The following MAP2K4 variants were observed in gnomAD, a reference collection of about 807,000 sequenced individuals.
MAP2K4 encodes dual specificity mitogen-activated protein kinase kinase 4.
A neutral mutation model predicts 48.5 loss-of-function variants in MAP2K4; 4 were observed. The observed-to-expected ratio is 0.08, with a 90% CI of 0.04 to 0.19. The LOEUF is 0.19. Ranked by LOEUF, MAP2K4 falls within the 10% of genes least tolerant of loss-of-function variation. The pLI, the probability that MAP2K4 is intolerant of heterozygous loss-of-function variation, is 1.00. For missense variants in MAP2K4, 258 were observed against 493.3 expected, an observed-to-expected ratio of 0.52 and a Z score of 4.52; for synonymous variants, 166 against 173.1, an observed-to-expected ratio of 0.96 and a Z score of 0.32.
At chr17:12,067,445 T>C (rs1970652520) in intron 2 of MAP2K4, among the ~76,000 whole-genome samples, 1 of 152,156 alleles carries the variant, frequency 6.6e-6, no homozygotes, top group Admixed American at 6.5e-5. Context: ...GTAGAATGTT[T>C]AGTGACAGCC....
intron 1 of MAP2K4, among the ~76,000 whole-genome samples, chr17:12,048,769 G>GC (rs1970043206): frequency 6.6e-6 from 1 of 151,994 alleles, no homozygotes; most frequent in East Asian, 1.9e-4. Flanking sequence ...CGATTCCATT[G>GC]CCTCAGCCTC....
rs28921680 is a variant in MAP2K4 at position 12,064,091 on chromosome 17, A to G, written c.218+9100A>G. Among the ~76,000 whole-genome samples the G allele has an allele frequency of 6.8e-3, 1,035 of 151,836 alleles. 16 individuals are homozygous for G. The highest frequency in any genetic ancestry group is 0.024 in the African/African-American group (1,001 of 41,410). On this transcript the variant is annotated intron_variant, in intron 2 of 10. Coordinates refer to ENST00000353533, the MANE Select transcript of MAP2K4 (RefSeq NM_003010.4). Reference sequence around the variant, plus strand: ...ACAATGTATATATATATATCTGACAAAGGACTTTTGTATATATAATAAACC... The same window carrying G: ...ACAATGTATATATATATATCTGACAGAGGACTTTTGTATATATAATAAACC...
In MAP2K4 at chr17:12,139,977, C is replaced by T. The variant is rs3213685; in HGVS notation, c.1086+93C>T. The T allele has an allele frequency of 5.6e-3, 3,816 of 677,482 alleles. 19 individuals carry two copies. The highest frequency in any genetic ancestry group is 0.03 in the East Asian group (1,013 of 33,942). The allele number at this position is 677,482 out of a possible 1,614,324, so 42.0% of individuals were successfully genotyped here. A position where few individuals can be genotyped will look rare whatever the true frequency, so the allele number is the denominator to read the frequency against. On this transcript the variant is annotated intron_variant, in intron 10 of 10. Transcript: ENST00000353533. ...CTAAGCAAGCAGTGGGCCTCTCTGT[C>T]ATAAACAAACATCTCAAATTTATTG...
At chr17:12,034,313 A>G (rs1202894066) in intron 1 of MAP2K4, among the ~76,000 whole-genome samples, 2 of 152,208 alleles carry the variant, frequency 1.3e-5, no homozygotes, top group South Asian at 2.1e-4. Context: ...TTTGATACAT[A>G]TGGAAGAATT....
At chr17:12,045,506 C>T (rs1357751939) in intron 1 of MAP2K4, among the ~76,000 whole-genome samples, 7 of 152,190 alleles carry the variant, frequency 4.6e-5, no homozygotes, top group Non-Finnish European at 1.0e-4. Flanking sequence ...GAAATCAGAA[C>T]AAGCCTTATG....
intron 7 of MAP2K4, among the ~76,000 whole-genome samples, chr17:12,123,661 A>AT (rs1225969657): frequency 2.0e-5 from 3 of 151,968 alleles, no homozygotes; most frequent in Non-Finnish European, 2.9e-5. Context: ...TAATGTATGC[A>AT]TTTTACACTA....
At chr17:12,022,228 C>T (rs1424446521) in intron 1 of MAP2K4, among the ~76,000 whole-genome samples, 3 of 152,140 alleles carry the variant, frequency 2.0e-5, no homozygotes, top group Non-Finnish European at 4.4e-5. Context: ...TTTTATTTAT[C>T]TTTACATCCC....
intron 1 of MAP2K4, 76 bp from the exon 2 acceptor site, chr17:12,054,813 T>A: frequency 3.5e-6 from 3 of 851,516 alleles, no homozygotes; most frequent in Non-Finnish European, 5.7e-6. Flanking sequence ...CCTTTTGGTG[T>A]GACTTTCTTA....
intron 3 of MAP2K4, among the ~76,000 whole-genome samples, chr17:12,089,712 A>G (rs912296546): frequency 6.6e-6 from 1 of 152,158 alleles, no homozygotes; most frequent in African/African-American, 2.4e-5. Context: ...GCTGAGCCAT[A>G]CAAACACCTG....
intron 2 of MAP2K4, among the ~76,000 whole-genome samples, chr17:12,064,524 A>G (rs958618738): frequency 1.3e-5 from 2 of 152,240 alleles, no homozygotes; most frequent in African/African-American, 4.8e-5. Context: ...AAAAGGTGAT[A>G]CCACTACACT....
At chr17:12,043,635 G>A (rs1969867023) in intron 1 of MAP2K4, among the ~76,000 whole-genome samples, 1 of 152,098 alleles carries the variant, frequency 6.6e-6, no homozygotes, top group African/African-American at 2.4e-5. Flanking sequence ...TTTATTTACT[G>A]TTATTGGCTT....
At chr17:12,100,018 T>C (rs1971887417) in intron 4 of MAP2K4, among the ~76,000 whole-genome samples, 1 of 152,092 alleles carries the variant, frequency 6.6e-6, no homozygotes, top group African/African-American at 2.4e-5. Context: ...CCACCCCTCT[T>C]CTCCTTTCCC....
intron 4 of MAP2K4, 86 bp downstream of exon 4, chr17:12,095,780 C>A (rs1188764433): frequency 1.0e-5 from 14 of 1,403,798 alleles, no homozygotes; most frequent in African/African-American, 8.6e-5. Flanking sequence ...TTCTTAAATG[C>A]CATACATTAG....
chr17:12,124,492 T>C (rs747231358), intron 7 of MAP2K4: 23 of 152,178 alleles, frequency 1.5e-4, no homozygotes, highest in Non-Finnish European at 3.1e-4. Flanking sequence ...TTTAGCGTTA[T>C]TGTGAAGTAT....
intron 1 of MAP2K4, 42 bp from the exon 2 acceptor site, chr17:12,054,847 T>C (rs1486053697): frequency 3.1e-6 from 4 of 1,307,906 alleles, no homozygotes; most frequent in Non-Finnish European, 3.3e-6. Context: ...GTACCTGTTT[T>C]GTAGTACTTG....
At chr17:12,038,298 A>G (rs2151514451) in intron 1 of MAP2K4, among the ~76,000 whole-genome samples, 1 of 152,286 alleles carries the variant, frequency 6.6e-6, no homozygotes. Flanking sequence ...ATGAGATCCG[A>G]ATCTAGGCAA....
At chr17:12,057,603 C>T (rs1823039793) in intron 2 of MAP2K4, among the ~76,000 whole-genome samples, 1 of 151,944 alleles carries the variant, frequency 6.6e-6, no homozygotes, top group African/African-American at 2.4e-5. Flanking sequence ...TGCTGCTTTC[C>T]TTTTGATACA....
Position 12,107,821 on chromosome 17 carries a change from C to A in MAP2K4, c.545C>A (p.Ser182Tyr). ...TGTTGGATCTGTATGGAACTCATGT[C>A]TACCTCGTTTGATAAGTTTTACAAA... is the stretch of plus-strand genomic sequence containing the variant. Reference protein sequence around the residue: ...GDCWICMELMSTSFDKFYKYV... With the variant: ...GDCWICMELMYTSFDKFYKYV... Residue 182 changes from serine (S) to tyrosine (Y), a missense_variant, in exon 5 of 11, where the codon TCT (serine) becomes TAT (tyrosine). Coordinates refer to ENST00000353533, the MANE Select transcript of MAP2K4 (RefSeq NM_003010.4). The A allele has an allele frequency of 6.2e-7, 1 of 1,605,338 alleles. No homozygotes were observed. Among genetic ancestry groups the A allele is most frequent in the Non-Finnish European group, 8.5e-7 (1 of 1,176,344 alleles).
chr17:12,085,139 G>A (rs1291469024), intron 3 of MAP2K4, among the ~76,000 whole-genome samples: 1 of 152,112 alleles, frequency 6.6e-6, no homozygotes, highest in Non-Finnish European at 1.5e-5. Context: ...AGGTATGCAT[G>A]CCCTTTTCAT....
Sources: allele counts gnomAD v4.1 joint callset (sites outside exome capture counted in the v4.1 genomes callset), GRCh38; gene constraint gnomAD v4.1.1; transcripts MANE v1.5; gene names NCBI Gene and HGNC (gene_info 2026-07-23, HGNC 2026-07-21).